The following SUGCT variants were observed in gnomAD, a reference collection of about 807,000 sequenced individuals.
SUGCT encodes the protein succinyl-CoA:glutarate-CoA transferase, also known as succinyl-CoA:glutarate CoA-transferase.
A neutral mutation model predicts 55.0 loss-of-function variants in SUGCT; 41 were observed. The ratio of observed to expected loss-of-function variants is 0.74; its 90% CI spans 0.58 to 0.97. SUGCT has a LOEUF of 0.97. Among genes scored for constraint, SUGCT ranks in the 50% least tolerant of loss-of-function variants. The pLI is 0.00. For missense variants in SUGCT, 568 were observed against 547.8 expected, an observed-to-expected ratio of 1.04 and a Z score of -0.37; for synonymous variants, 187 against 200.4, an observed-to-expected ratio of 0.93 and a Z score of 0.56.
At chr7:40,333,228 G>A (rs570883393) in intron 9 of SUGCT, among the ~76,000 whole-genome samples, 2 of 152,156 alleles carry the variant, frequency 1.3e-5, no homozygotes, top group South Asian at 4.1e-4. Context: ...TTTATGTACA[G>A]AATGATGAAA....
rs113613459 is a variant in SUGCT, at chr7:40,745,183, C to T, written c.1090-4251C>T. ...CTCTTTTGTACATTATTGCTAATAC[C>T]ATTGATGGTATTACTTTGATTTTGA... On this transcript the variant is annotated intron_variant, in intron 12 of 13. Coordinates refer to ENST00000335693, the MANE Select transcript of SUGCT (RefSeq NM_001193313.2). 2.3e-3 allele frequency among the ~76,000 whole-genome samples: 344 copies of T among 152,158 alleles called. 1 individual carries two copies. Among genetic ancestry groups the T allele is most frequent in the African/African-American group, 7.8e-3 (323 of 41,524 alleles).
At chr7:40,427,900 G>A (rs548051376) in intron 9 of SUGCT, among the ~76,000 whole-genome samples, 2 of 152,268 alleles carry the variant, frequency 1.3e-5, no homozygotes, top group East Asian at 3.9e-4. Context: ...ATGCAGGGTA[G>A]GAGGCTCTCT....
chr7:41,030,393 A>G, the SUGCT span, among the ~76,000 whole-genome samples: 1 of 152,194 alleles, frequency 6.6e-6, no homozygotes, highest in African/African-American at 2.4e-5. Flanking sequence ...ATCCTTTAGG[A>G]GTTCATTTAA....
chr7:40,776,877 T>C (rs1789479844), intron 13 of SUGCT, among the ~76,000 whole-genome samples: 1 of 152,154 alleles, frequency 6.6e-6, no homozygotes, highest in South Asian at 2.1e-4. Flanking sequence ...CTACCAGTCA[T>C]TTGGAGTCAG....
chr7:41,033,507 G>T, the SUGCT span, among the ~76,000 whole-genome samples: 19 of 152,250 alleles, frequency 1.2e-4, no homozygotes, highest in African/African-American at 4.3e-4. Flanking sequence ...TCTTAGAATG[G>T]TGTCTTGAAA....
chr7:40,299,356 G>C (rs1288744385), intron 8 of SUGCT, among the ~76,000 whole-genome samples: 1 of 152,170 alleles, frequency 6.6e-6, no homozygotes, highest in Non-Finnish European at 1.5e-5. Context: ...GCAGTGGTGT[G>C]CTGGTAAATG....
chr7:40,202,171 C>T (rs985606255), intron 6 of SUGCT, among the ~76,000 whole-genome samples: 2 of 152,128 alleles, frequency 1.3e-5, no homozygotes, highest in Non-Finnish European at 2.9e-5. Context: ...TGGGGTTTCA[C>T]CATGTTGCCC....
intron 6 of SUGCT, among the ~76,000 whole-genome samples, chr7:40,208,397 T>G (rs941564578): frequency 3.3e-5 from 5 of 152,118 alleles, no homozygotes; most frequent in Non-Finnish European, 7.4e-5. Context: ...GAAAGAATAG[T>G]CTAAACTATA....
At chr7:40,518,037 C>A (rs528557430) in intron 12 of SUGCT, among the ~76,000 whole-genome samples, 1 of 152,018 alleles carries the variant, frequency 6.6e-6, no homozygotes, top group Non-Finnish European at 1.5e-5. Flanking sequence ...GAGAATTTGG[C>A]GGGAGATTGA....
the SUGCT span, among the ~76,000 whole-genome samples, chr7:40,902,354 T>C: frequency 6.6e-6 from 1 of 151,888 alleles, no homozygotes; most frequent in Non-Finnish European, 1.5e-5. Flanking sequence ...TTGAGGCAGG[T>C]GGATCACGAG....
At chr7:40,462,177 A>G (rs530490055) in intron 11 of SUGCT, among the ~76,000 whole-genome samples, 7 of 152,340 alleles carry the variant, frequency 4.6e-5, no homozygotes, top group Admixed American at 3.9e-4. Context: ...TAGTCTGGTC[A>G]CAGAGGGCTT....
At chr7:40,294,240 G>A (rs1261447432) in intron 8 of SUGCT, among the ~76,000 whole-genome samples, 1 of 151,980 alleles carries the variant, frequency 6.6e-6, no homozygotes, top group Non-Finnish European at 1.5e-5. Flanking sequence ...TTGAGCTACC[G>A]CGTCTGGCCT....
the SUGCT span, among the ~76,000 whole-genome samples, chr7:41,007,291 C>G: frequency 6.6e-6 from 1 of 152,162 alleles, no homozygotes; most frequent in East Asian, 1.9e-4. Context: ...TCTGCATGAT[C>G]CTGTTTGATC....
intron 6 of SUGCT, among the ~76,000 whole-genome samples, chr7:40,223,554 GC>G (rs1788166864): frequency 1.3e-5 from 2 of 152,172 alleles, no homozygotes; most frequent in Admixed American, 6.5e-5. Context: ...TGTTTTACAT[GC>G]CATTACATGC....
chr7:40,277,390 A>G (rs1394861357), intron 8 of SUGCT, among the ~76,000 whole-genome samples: 2 of 151,078 alleles, frequency 1.3e-5, no homozygotes, highest in Non-Finnish European at 1.5e-5. Flanking sequence ...GGGTTTTGCC[A>G]TGTTGGCCAG....
intron 9 of SUGCT, among the ~76,000 whole-genome samples, chr7:40,372,851 C>T (rs113300511): frequency 3.9e-5 from 6 of 151,974 alleles, no homozygotes; most frequent in African/African-American, 1.2e-4. Context: ...GCTCAAATAA[C>T]GGAAAAGATT....
intron 6 of SUGCT, among the ~76,000 whole-genome samples, chr7:40,212,081 A>G (rs1787370433): frequency 6.6e-6 from 1 of 151,874 alleles, no homozygotes; most frequent in African/African-American, 2.4e-5. Flanking sequence ...AAAGTGCCAG[A>G]GAGTAATTCT....
At chr7:40,344,169 G>T (rs1436755610) in intron 9 of SUGCT, among the ~76,000 whole-genome samples, 1 of 152,172 alleles carries the variant, frequency 6.6e-6, no homozygotes, top group Non-Finnish European at 1.5e-5. Context: ...GGCAGCTTAG[G>T]ATGTGTTTCC....
At chr7:40,643,207 A>G (rs1219687315) in intron 12 of SUGCT, among the ~76,000 whole-genome samples, 1 of 152,206 alleles carries the variant, frequency 6.6e-6, no homozygotes, top group Non-Finnish European at 1.5e-5. Context: ...ATAAGAAGAA[A>G]TTAGACTGGT....
Sources: gnomAD v4.1 joint callset for allele counts (sites outside exome capture counted in the v4.1 genomes callset) on GRCh38, gnomAD v4.1.1 for gene constraint, MANE v1.5 for transcripts, NCBI Gene and HGNC (gene_info 2026-07-23, HGNC 2026-07-21) for gene names.